Variants in SGPP2 observed in about 807,000 individuals in gnomAD.
SGPP2 encodes sphingosine 1-phosphate phosphohydrolase 2.
SGPP2 carries 30 observed loss-of-function variants against 33.9 expected under a neutral mutation model. The observed-to-expected ratio is 0.89, with a 90% confidence interval of 0.66 to 1.20. The LOEUF (loss-of-function observed/expected upper bound fraction) is 1.20. Among genes scored for constraint, SGPP2 ranks in the 50% most tolerant of loss-of-function variants. The pLI, the probability that SGPP2 is intolerant of heterozygous loss-of-function variation, is 0.00. For missense variants in SGPP2, 458 were observed against 532.1 expected, an observed-to-expected ratio of 0.86 and a Z score of 1.37; for synonymous variants, 233 against 225.0, an observed-to-expected ratio of 1.04 and a Z score of -0.32.
intron 4 of SGPP2, among the ~76,000 whole-genome samples, chr2:222,556,598 C>T (rs1428495849): frequency 1.1e-5 from 1 of 89,454 alleles, no homozygotes; most frequent in African/African-American, 4.1e-5. Flanking sequence ...CACTCTCACT[C>T]CTCCCCCATC....
chr2:222,527,742 C>G (rs1194153271), intron 4 of SGPP2, among the ~76,000 whole-genome samples: 1 of 152,164 alleles, frequency 6.6e-6, no homozygotes, highest in Non-Finnish European at 1.5e-5. Context: ...CAGGCTTAGG[C>G]CCAGGTACCA....
chr2:222,471,363 C>T (rs1342440586), intron 1 of SGPP2, among the ~76,000 whole-genome samples: 1 of 152,146 alleles, frequency 6.6e-6, no homozygotes, highest in African/African-American at 2.4e-5. Flanking sequence ...GAGAGGAATG[C>T]ATACTTGATA....
rs80031153 is a variant in SGPP2, at chr2:222,457,943, G to A, written c.220-16625G>A. ...TCGCTTCATAGGGAAGGACATGGCT[G>A]GAGCAGGGTCAGAGCAGGGGGCCTA... On this transcript the variant is annotated intron_variant, in intron 1 of 4. Transcript: ENST00000321276. 7.5e-3 allele frequency among the ~76,000 whole-genome samples: 1,140 copies of A among 152,330 alleles called. 11 individuals carry two copies. The highest frequency in any genetic ancestry group is 0.026 in the African/African-American group (1,087 of 41,566).
chr2:222,558,648 C>G lies in SGPP2; in HGVS notation c.950C>G (p.Thr317Ser), dbSNP rs201755856. 81 of 1,614,178 alleles carry G rather than the reference C, an allele frequency of 5.0e-5. No homozygotes were observed. The Middle Eastern group carries it at 9.9e-4, about 20-fold the overall frequency. Residue 317 changes from threonine to serine, a missense_variant, in exon 5 of 5, where the codon ACC becomes AGC. Transcript: ENST00000321276. ...LPVIQNIPPL[T>S]TYMLVLGLTK... ...GTTATTCAGAACATCCCACCACTCA[C>G]CACCTACATGTTAGTTTTGGGTCTG...
At chr2:222,464,814 G>A (rs1574844198) in intron 1 of SGPP2, among the ~76,000 whole-genome samples, 1 of 152,316 alleles carries the variant, frequency 6.6e-6, no homozygotes, top group East Asian at 1.9e-4. Flanking sequence ...TGATGAGACA[G>A]TGTTTTTTCT....
chr2:222,473,471 C>T (rs554017551), intron 1 of SGPP2, among the ~76,000 whole-genome samples: 1 of 152,142 alleles, frequency 6.6e-6, no homozygotes, highest in African/African-American at 2.4e-5. Flanking sequence ...AGGTTGAGAC[C>T]ACCCAGAAAA....
At chr2:222,538,204 G>C (rs1349454440) in intron 4 of SGPP2, among the ~76,000 whole-genome samples, 1 of 152,104 alleles carries the variant, frequency 6.6e-6, no homozygotes, top group Non-Finnish European at 1.5e-5. Context: ...GAGTTTTGGG[G>C]GGAATTATGC....
chr2:222,442,562 G>A (rs1274181931), intron 1 of SGPP2, among the ~76,000 whole-genome samples: 1 of 152,064 alleles, frequency 6.6e-6, no homozygotes, highest in African/African-American at 2.4e-5. Flanking sequence ...TCATCTTCAT[G>A]TCTGTGAATA....
chr2:222,545,087 A>C (rs1019400420), intron 4 of SGPP2, among the ~76,000 whole-genome samples: 1 of 152,200 alleles, frequency 6.6e-6, no homozygotes, highest in Non-Finnish European at 1.5e-5. Context: ...TATTATTTAC[A>C]TGAGGATTTC....
At chr2:222,502,230 A>G (rs1394556822) in intron 2 of SGPP2, among the ~76,000 whole-genome samples, 2 of 152,228 alleles carry the variant, frequency 1.3e-5, no homozygotes, top group African/African-American at 2.4e-5. Context: ...ACGTAAGTTT[A>G]TAATTTAGAT....
chr2:222,435,104 T>G (rs1697220630), intron 1 of SGPP2, among the ~76,000 whole-genome samples: 1 of 149,586 alleles, frequency 6.7e-6, no homozygotes, highest in African/African-American at 2.5e-5. Flanking sequence ...ATGGAGTTTA[T>G]TTAGTATTAA....
rs1574900013 is a variant in SGPP2, at chr2:222,561,957, G to C, written c.*3059G>C. Among the ~76,000 whole-genome samples the C allele has an allele frequency of 6.6e-6, 1 of 152,174 alleles. No homozygotes were observed. The highest frequency in any genetic ancestry group is 2.4e-5 in the African/African-American group (1 of 41,438). On this transcript the variant is annotated 3_prime_UTR_variant, in exon 5 of 5. Transcript: ENST00000321276. ...TCAGACCATTGCTTGCCCCTTCAAAGGGTATGGTTCAGGCTCCTTTCAAGA... is the reference window on the plus strand; with the variant it reads ...TCAGACCATTGCTTGCCCCTTCAAACGGTATGGTTCAGGCTCCTTTCAAGA...
chr2:222,472,873 G>T, intron 1 of SGPP2, among the ~76,000 whole-genome samples: 1 of 152,142 alleles, frequency 6.6e-6, no homozygotes, highest in East Asian at 1.9e-4. Flanking sequence ...AATAAGCCAG[G>T]CATGGTGGTG....
At chr2:222,548,661 G>A (rs576568018) in intron 4 of SGPP2, among the ~76,000 whole-genome samples, 35 of 152,154 alleles carry the variant, frequency 2.3e-4, no homozygotes, top group African/African-American at 8.0e-4. Flanking sequence ...TCAGCCTCCT[G>A]CTTTTGACTG....
chr2:222,512,725 T>C (rs1698547921), intron 2 of SGPP2, among the ~76,000 whole-genome samples: 1 of 152,220 alleles, frequency 6.6e-6, no homozygotes, highest in African/African-American at 2.4e-5. Flanking sequence ...GTTGGAATCA[T>C]ACAGTACGTT....
chr2:222,492,595 G>A (rs1698214970), intron 2 of SGPP2, among the ~76,000 whole-genome samples: 1 of 152,236 alleles, frequency 6.6e-6, no homozygotes, highest in Non-Finnish European at 1.5e-5. Context: ...CCTGTGATGG[G>A]TGGCCCAGAT....
At chr2:222,551,778 G>T (rs1487230758) in intron 4 of SGPP2, among the ~76,000 whole-genome samples, 2 of 152,192 alleles carry the variant, frequency 1.3e-5, no homozygotes, top group Non-Finnish European at 2.9e-5. Context: ...CCAGATGTCT[G>T]AGAATTTGGT....
chr2:222,483,232 T>C (rs1163416027), intron 2 of SGPP2, among the ~76,000 whole-genome samples: 1 of 152,252 alleles, frequency 6.6e-6, no homozygotes, highest in Non-Finnish European at 1.5e-5. Flanking sequence ...TTAGCTTGTC[T>C]GCTGTTTTGT....
chr2:222,491,960 C>T (rs117593369), intron 2 of SGPP2, among the ~76,000 whole-genome samples: 206 of 152,288 alleles, frequency 1.4e-3, no homozygotes, highest in East Asian at 4.4e-3. Context: ...CTACAGACCC[C>T]GTGCATGTCT....
Sources: gnomAD v4.1 joint callset for allele counts (sites outside exome capture counted in the v4.1 genomes callset) on GRCh38, gnomAD v4.1.1 for gene constraint, MANE v1.5 for transcripts, NCBI Gene and HGNC (gene_info 2026-07-23, HGNC 2026-07-21) for gene names.